The following SMARCC2 variants were observed in gnomAD, a reference collection of about 807,000 sequenced individuals.
SMARCC2 encodes SWI/SNF complex subunit SMARCC2.
SMARCC2 carries 15 observed loss-of-function variants against 151.3 expected under a neutral mutation model. The ratio of observed to expected loss-of-function variants is 0.10; its 90% CI spans 0.07 to 0.15. The LOEUF (loss-of-function observed/expected upper bound fraction) is 0.15, where lower values mean the gene tolerates loss of function less well. Among genes scored for constraint, SMARCC2 ranks in the 10% least tolerant of loss-of-function variants. The pLI is 1.00. For missense variants in SMARCC2, 1,031 were observed against 1,599.7 expected, an observed-to-expected ratio of 0.64 and a Z score of 6.06; for synonymous variants, 590 against 609.5, an observed-to-expected ratio of 0.97 and a Z score of 0.47.
Position 56,162,639 on chromosome 12 carries a change from G to T in SMARCC2, c.*1050C>A, listed in dbSNP as rs946337863. 6.5e-6 allele frequency: 2 copies of T among 308,064 alleles called. No homozygotes were observed. The highest frequency in any genetic ancestry group is 6.0e-6 in the Non-Finnish European group (1 of 166,106). 19.1% of individuals were successfully genotyped at this position (308,064 alleles called of 1,614,324 possible). ...CGAGCCAAGGGTTGGTCCAACCCAA[G>T]GTTGGGCACCCTCTTCCACTGCTCC... On this transcript the variant is annotated 3_prime_UTR_variant, in exon 29 of 29. Transcript: ENST00000550164.
chr12:56,184,389 G>C (rs1876837864), intron 5 of SMARCC2, 145 bp from the exon 6 acceptor site: 3 of 619,264 alleles, frequency 4.8e-6, no homozygotes, highest in Non-Finnish European at 8.7e-6. Context: ...CAGCTAAGTG[G>C]CAGAGGGAAA....
chr12:56,187,853 C>T (rs1464766333), intron 1 of SMARCC2, among the ~76,000 whole-genome samples: 2 of 152,118 alleles, frequency 1.3e-5, no homozygotes, highest in African/African-American at 4.8e-5. Flanking sequence ...CCCTCCTAGA[C>T]AGGAAGGGCC....
Position 56,181,003 on chromosome 12 carries a change from A to G in SMARCC2, c.1055T>C (p.Val352Ala). ...TGTTTTGGGAAGTGTCACCTCTTCT[A>G]CATTGGGGACTGGTGAGGGCTCGTC... ...DMDEPSPVPNVEEVTLPKTVN... is the reference protein window; with the variant it reads ...DMDEPSPVPNAEEVTLPKTVN... The change falls in exon 11 of 29, where the codon GTA (valine) becomes GCA (alanine). Residue 352 changes from valine to alanine, a missense_variant. Val to Ala is a moderately conservative substitution (Grantham distance 64). This residue lies in a region of SMARCC2 where 127 missense variants were observed against 141.7 expected (regional missense o/e 0.90). Coordinates refer to ENST00000550164, the MANE Select transcript of SMARCC2 (RefSeq NM_001330288.2). 2 of 1,613,828 alleles carry G rather than the reference A, an allele frequency of 1.2e-6. No individual in the cohort carries two copies. The highest frequency in any genetic ancestry group is 1.7e-6 in the Non-Finnish European group (2 of 1,179,850).
At position 56,173,851 on chromosome 12, in the gene SMARCC2, T is replaced by TGTGCAGAGAGAGGCAGAGACAG. The variant is rs759999976; in HGVS notation, c.1497-24_1497-3dup. 33 of 1,611,524 alleles carry TGTGCAGAGAGAGGCAGAGACAG rather than the reference T, an allele frequency of 2.0e-5. No homozygotes were observed. The Middle Eastern group carries it at 8.2e-4, about 40-fold the overall frequency. On this transcript the variant is annotated splice_polypyrimidine_tract_variant and splice_region_variant and intron_variant, in intron 16 of 28. Transcript: ENST00000550164. ...CACTGTTCTAGGAAGGCATGGACCCTGTGCAGAGAGAGGCAGAGACAGGGT... is the reference window on the plus strand; with the variant it reads ...CACTGTTCTAGGAAGGCATGGACCCTGTGCAGAGAGAGGCAGAGACAGGTGCAGAGAGAGGCAGAGACAGGGT...
chr12:56,179,317 A>G (rs1875652759), intron 11 of SMARCC2, among the ~76,000 whole-genome samples: 1 of 152,224 alleles, frequency 6.6e-6, no homozygotes, highest in Admixed American at 6.5e-5. Flanking sequence ...ATCTCCATCT[A>G]TGTATCTGTA....
At chr12:56,178,144 G>C (rs1223287140) in intron 14 of SMARCC2, 51 bp from the exon 15 acceptor site, 2 of 1,493,446 alleles carry the variant, frequency 1.3e-6, no homozygotes, top group Non-Finnish European at 1.8e-6. Context: ...TGAAGGGATG[G>C]GGGCCCCAAA....
chr12:56,176,844 G>A (rs960431152), intron 15 of SMARCC2, among the ~76,000 whole-genome samples: 8 of 142,294 alleles, frequency 5.6e-5, no homozygotes, highest in African/African-American at 7.9e-5. Flanking sequence ...TTTTTGAGAC[G>A]GAGTTTCACT....
intron 9 of SMARCC2, 27 bp from the exon 10 acceptor site, chr12:56,181,624 G>A (rs1275787760): frequency 4.4e-6 from 7 of 1,608,174 alleles, no homozygotes; most frequent in Non-Finnish European, 5.1e-6. Context: ...CAGGACAAAT[G>A]TCAGCCTACA....
chr12:56,184,147 C>G (rs1160143356), intron 6 of SMARCC2, 28 bp downstream of exon 6: 1 of 1,555,548 alleles, frequency 6.4e-7, no homozygotes, highest in Non-Finnish European at 8.9e-7. Flanking sequence ...ACCATCCACT[C>G]AAGTGGACAG....
At chr12:56,182,144 G>T (rs1156534750) in intron 7 of SMARCC2, 65 bp from the exon 8 acceptor site, 25 of 1,122,426 alleles carry the variant, frequency 2.2e-5, no homozygotes, top group Non-Finnish European at 3.3e-5. Context: ...GTAAAGTGCA[G>T]ATCTTTTACC....
chr12:56,167,992 ACACACACG>A, intron 26 of SMARCC2, 60 bp downstream of exon 26: 5 of 1,473,338 alleles, frequency 3.4e-6, no homozygotes, highest in African/African-American at 1.5e-5. Context: ...ACACACACAC[ACACACACG>A]CCCCTCCGAT....
In SMARCC2 at chr12:56,171,934, G is replaced by A; in HGVS notation, c.1930C>T (p.Leu644=). ...TTCCAGTCATCTTTGTACATTTCCA[G>A]TGCCTGGTGGTAGTGGTGGAGACAT... ...EQETLLLLEA[L]EMYKDDWNKV... is the part of the protein sequence containing the mutation. The change falls in exon 21 of 29, where the codon CTG becomes TTG. Residue 644 remains leucine (L), a synonymous_variant. Transcript: ENST00000550164. The surrounding 1 kb of genome is among the most constrained non-coding windows in gnomAD (Gnocchi z 4.2). The A allele has an allele frequency of 6.2e-7, 1 of 1,600,620 alleles. No individual in the cohort carries two copies. Among genetic ancestry groups the A allele is most frequent in the Non-Finnish European group, 8.5e-7 (1 of 1,171,618 alleles).
At chr12:56,182,321 ATT>A (rs763722796) in intron 7 of SMARCC2, among the ~76,000 whole-genome samples, 12 of 143,546 alleles carry the variant, frequency 8.4e-5, no homozygotes, top group Admixed American at 1.4e-4. Context: ...CTCCACAGTA[ATT>A]TTTTTTTTTT....
At chr12:56,184,514 T>A in intron 5 of SMARCC2, 2 of 549,058 alleles carry the variant, frequency 3.6e-6, no homozygotes, top group Non-Finnish European at 6.5e-6. Flanking sequence ...TACATCCTTA[T>A]CAATGACATC....
At position 56,171,524 on chromosome 12, in the gene SMARCC2, A is replaced by T; in HGVS notation, c.2186-92T>A. On this transcript the variant is annotated intron_variant, in intron 21 of 28. Coordinates refer to ENST00000550164, the MANE Select transcript of SMARCC2 (RefSeq NM_001330288.2). This position sits in a 1 kb window ranked among gnomAD's most constrained non-coding sequence, Gnocchi z 4.2. ...AGCTTACTCACAAGCCCATGTCTTC[A>T]TCTAAGCTAGTATGGAGCCTAGACA... The T allele has an allele frequency of 6.4e-7, 1 of 1,559,036 alleles. No individual in the cohort carries two copies. The highest frequency in any genetic ancestry group is 1.4e-5 in the African/African-American group (1 of 73,864).
chr12:56,170,626 G>T (rs944293201), intron 22 of SMARCC2, among the ~76,000 whole-genome samples: 1 of 150,828 alleles, frequency 6.6e-6, no homozygotes, highest in Non-Finnish European at 1.5e-5. Context: ...ACGGGATTTT[G>T]CCATGTTGCC....
chr12:56,187,330 AG>A, intron 1 of SMARCC2, 24 bp from the exon 2 acceptor site: 1 of 1,604,902 alleles, frequency 6.2e-7, no homozygotes, highest in Admixed American at 1.7e-5. Flanking sequence ...GGGAAAGGAA[AG>A]AAAAATAGAT....
At chr12:56,186,284 T>C (rs1877227458) in intron 2 of SMARCC2, 44 bp from the exon 3 acceptor site, 1 of 1,183,104 alleles carries the variant, frequency 8.5e-7, no homozygotes, top group African/African-American at 1.5e-5. Flanking sequence ...GGTTCCACTG[T>C]AAATTCTCTC....
intron 17 of SMARCC2, 75 bp downstream of exon 17, chr12:56,173,620 TA>T: frequency 2.2e-6 from 3 of 1,392,094 alleles, no homozygotes; most frequent in Non-Finnish European, 3.0e-6. Flanking sequence ...ACCATTACCC[TA>T]AAAACCAGAA....
Sources: allele counts gnomAD v4.1 joint callset (sites outside exome capture counted in the v4.1 genomes callset), GRCh38; gene constraint gnomAD v4.1.1; regional missense constraint gnomAD v4.1.1; non-coding constraint Gnocchi (gnomAD v3.1); transcripts MANE v1.5; gene names NCBI Gene and HGNC (gene_info 2026-07-23, HGNC 2026-07-21).